Variants in KCNB2 observed in about 807,000 individuals in gnomAD.
The protein encoded by KCNB2 is potassium voltage-gated channel subfamily B member 2, also known as delayed rectifier potassium channel protein.
In KCNB2, 15 loss-of-function variants were observed where a neutral mutation model predicts 61.5. That is an observed-to-expected ratio of 0.24 (90% CI 0.16 to 0.38). The LOEUF (loss-of-function observed/expected upper bound fraction) is 0.38, where lower values mean the gene tolerates loss of function less well. KCNB2 is among the 10% of genes least tolerant of loss of function. The probability of loss-of-function intolerance (pLI) is 1.00; values close to 1 mark genes in which losing one functional copy is unlikely to be tolerated. For missense variants in KCNB2, 828 were observed against 1,125.2 expected, an observed-to-expected ratio of 0.74 and a Z score of 3.78; for synonymous variants, 457 against 446.0, an observed-to-expected ratio of 1.02 and a Z score of -0.31.
At chr8:72,748,482 A>G (rs1398125426) in intron 2 of KCNB2, among the ~76,000 whole-genome samples, 3 of 152,140 alleles carry the variant, frequency 2.0e-5, no homozygotes, top group Non-Finnish European at 2.9e-5. Flanking sequence ...TTTTATTTCA[A>G]AGATCTGTAA....
At chr8:72,588,269 A>C (rs574045288) in intron 2 of KCNB2, among the ~76,000 whole-genome samples, 2 of 138,450 alleles carry the variant, frequency 1.4e-5, no homozygotes, top group South Asian at 4.5e-4. Flanking sequence ...CCCAGGCTGG[A>C]GTGCAATGGC....
chr8:72,778,119 T>C (rs999232712), intron 2 of KCNB2, among the ~76,000 whole-genome samples: 2 of 152,240 alleles, frequency 1.3e-5, no homozygotes, highest in African/African-American at 4.8e-5. Context: ...TAATAGCTCC[T>C]GTGGGTGGAC....
intron 1 of KCNB2, among the ~76,000 whole-genome samples, chr8:72,544,720 A>G (rs1366508046): frequency 6.6e-6 from 1 of 152,202 alleles, no homozygotes; most frequent in Non-Finnish European, 1.5e-5. Flanking sequence ...CTAAACTTCC[A>G]TATTTCAGTG....
Position 72,612,794 on chromosome 8 carries a change from T to C in KCNB2, c.579+44481T>C, listed in dbSNP as rs1805561440. Among the ~76,000 whole-genome samples, 2 of 152,182 alleles carry C rather than the reference T, an allele frequency of 1.3e-5. 1 individual carries two copies. The highest frequency in any genetic ancestry group is 4.1e-4 in the South Asian group (2 of 4,830). ...TTGGTCCTTAGAACTTCTAAGCTTT[T>C]TCAAGTTTGAGCTTGCTAAGAATTA... On this transcript the variant is annotated intron_variant, in intron 2 of 2. Coordinates refer to ENST00000523207, the MANE Select transcript of KCNB2 (RefSeq NM_004770.3).
chr8:72,726,291 T>C (rs1807648550), intron 2 of KCNB2, among the ~76,000 whole-genome samples: 1 of 152,176 alleles, frequency 6.6e-6, no homozygotes, highest in Non-Finnish European at 1.5e-5. Flanking sequence ...AAACCAACCA[T>C]ACTGGCACCT....
At position 72,799,558 on chromosome 8, in the gene KCNB2, C is replaced by T. The variant is rs4738280; in HGVS notation, c.580-136377C>T. On this transcript the variant is annotated intron_variant, in intron 2 of 2. Transcript: ENST00000523207. ...GCACTTTTCTATGTTTCTAGAAGCTCGAAAACCACATTGTGGATTTTAAGA... is the reference window on the plus strand; with the variant it reads ...GCACTTTTCTATGTTTCTAGAAGCTTGAAAACCACATTGTGGATTTTAAGA... Among the ~76,000 whole-genome samples, 7 of 151,970 alleles carry T rather than the reference C, an allele frequency of 4.6e-5. No individual in the cohort carries two copies. The South Asian group carries it at 6.2e-4, about 13-fold the overall frequency.
chr8:72,578,290 A>T (rs937722551), intron 2 of KCNB2, among the ~76,000 whole-genome samples: 1 of 152,214 alleles, frequency 6.6e-6, no homozygotes, highest in South Asian at 2.1e-4. Context: ...AAACGTTAGT[A>T]GGTAATCTTA....
intron 1 of KCNB2, among the ~76,000 whole-genome samples, chr8:72,543,642 G>A (rs560619717): frequency 6.6e-6 from 1 of 152,246 alleles, no homozygotes; most frequent in East Asian, 1.9e-4. Flanking sequence ...GTAAAAACAT[G>A]CTATGAACAA....
In KCNB2 at chr8:72,830,755, T is replaced by A. The variant is rs116631297; in HGVS notation, c.580-105180T>A. Reference sequence around the variant, plus strand: ...GAACTAGTAATCAACACCTGGTCTCTTGGTTTTGAATGCCATTTTAACCTC... The same window carrying A: ...GAACTAGTAATCAACACCTGGTCTCATGGTTTTGAATGCCATTTTAACCTC... On this transcript the variant is annotated intron_variant, in intron 2 of 2. Coordinates refer to ENST00000523207, the MANE Select transcript of KCNB2 (RefSeq NM_004770.3). Among the ~76,000 whole-genome samples, 535 of 152,346 alleles carry A rather than the reference T, an allele frequency of 3.5e-3. 4 individuals are homozygous for A. Among genetic ancestry groups the A allele is most frequent in the African/African-American group, 0.012 (501 of 41,574 alleles).
In KCNB2 at chr8:72,650,516, A is replaced by G. The variant is rs1309765634; in HGVS notation, c.579+82203A>G. Among the ~76,000 whole-genome samples the G allele has an allele frequency of 2.0e-5, 3 of 152,316 alleles. No homozygotes were observed. The East Asian group carries it at 5.8e-4, about 29-fold the overall frequency. On this transcript the variant is annotated intron_variant, in intron 2 of 2. Coordinates refer to ENST00000523207, the MANE Select transcript of KCNB2 (RefSeq NM_004770.3). ...ATCACTGATGAAGAAACTAAGATTC[A>G]GAGAAGTTAAGTAACTTCCTCAAGA...
chr8:72,935,242 G>T (rs1262622848), intron 2 of KCNB2, among the ~76,000 whole-genome samples: 1 of 152,072 alleles, frequency 6.6e-6, no homozygotes, highest in East Asian at 1.9e-4. Flanking sequence ...ATGCCACCTG[G>T]AATGTCAGCC....
intron 2 of KCNB2, among the ~76,000 whole-genome samples, chr8:72,870,695 T>C (rs959508186): frequency 6.6e-6 from 1 of 152,216 alleles, no homozygotes; most frequent in Non-Finnish European, 1.5e-5. Context: ...GTATACAAAA[T>C]ACTTTGCCTA....
chr8:72,734,909 G>C (rs766962745), intron 2 of KCNB2, among the ~76,000 whole-genome samples: 5 of 152,190 alleles, frequency 3.3e-5, no homozygotes, highest in Non-Finnish European at 7.4e-5. Context: ...TTGTGCTAAT[G>C]AATTCGGCAG....
intron 2 of KCNB2, among the ~76,000 whole-genome samples, chr8:72,697,747 G>A (rs1419946035): frequency 6.6e-6 from 1 of 152,104 alleles, no homozygotes; most frequent in African/African-American, 2.4e-5. Flanking sequence ...AATTTGGGAA[G>A]CAGTTATTCT....
At chr8:72,808,005 T>C (rs1272371056) in intron 2 of KCNB2, among the ~76,000 whole-genome samples, 1 of 152,144 alleles carries the variant, frequency 6.6e-6, no homozygotes, top group African/African-American at 2.4e-5. Flanking sequence ...TGCCAGAATA[T>C]CCTACCATGA....
At chr8:72,806,356 A>G (rs1337032240) in intron 2 of KCNB2, among the ~76,000 whole-genome samples, 2 of 63,374 alleles carry the variant, frequency 3.2e-5, no homozygotes, top group Non-Finnish European at 6.2e-5. Flanking sequence ...AGACTCTAAG[A>G]AAAAAAAAAA....
intron 1 of KCNB2, among the ~76,000 whole-genome samples, chr8:72,548,348 T>C (rs548579612): frequency 1.1e-3 from 170 of 152,288 alleles, no homozygotes; most frequent in Non-Finnish European, 2.1e-3. Flanking sequence ...ATGGGAGACA[T>C]AAACCAGTCA....
chr8:72,680,920 G>C (rs1482195728), intron 2 of KCNB2, among the ~76,000 whole-genome samples: 1 of 152,158 alleles, frequency 6.6e-6, no homozygotes, highest in Non-Finnish European at 1.5e-5. Context: ...TCAAAAGCTG[G>C]TTGTAAAGAT....
chr8:72,634,689 G>A (rs1235519401), intron 2 of KCNB2, among the ~76,000 whole-genome samples: 1 of 152,116 alleles, frequency 6.6e-6, no homozygotes, highest in Non-Finnish European at 1.5e-5. Context: ...CATGAAGAAT[G>A]CCATTAGTTC....
Sources: gnomAD v4.1 joint callset for allele counts (sites outside exome capture counted in the v4.1 genomes callset) on GRCh38, gnomAD v4.1.1 for gene constraint, MANE v1.5 for transcripts, NCBI Gene and HGNC (gene_info 2026-07-23, HGNC 2026-07-21) for gene names.